DNER: variants seen among roughly 807,000 people sequenced by gnomAD.
DNER encodes delta and Notch-like epidermal growth factor-related receptor.
DNER carries 33 observed loss-of-function variants against 78.2 expected under a neutral mutation model. That is an observed-to-expected ratio of 0.42 (90% CI 0.32 to 0.56). The LOEUF (loss-of-function observed/expected upper bound fraction) is 0.56, where lower values mean the gene tolerates loss of function less well. Among genes scored for constraint, DNER ranks in the 20% least tolerant of loss-of-function variants. The probability of loss-of-function intolerance (pLI) is 0.11; values close to 1 mark genes in which losing one functional copy is unlikely to be tolerated. For synonymous variants in DNER, 417 were observed against 384.8 expected, an observed-to-expected ratio of 1.08 and a Z score of -0.98; for missense variants, 918 against 975.3, an observed-to-expected ratio of 0.94 and a Z score of 0.78.
chr2:229,600,006 T>C (rs527665429), intron 1 of DNER, among the ~76,000 whole-genome samples: 2 of 152,298 alleles, frequency 1.3e-5, no homozygotes, highest in African/African-American at 4.8e-5. Context: ...GCAGCATCAG[T>C]CAGGGAACTT....
chr2:229,676,500 C>T (rs1344421336), intron 1 of DNER, among the ~76,000 whole-genome samples: 1 of 152,166 alleles, frequency 6.6e-6, no homozygotes, highest in Non-Finnish European at 1.5e-5. Flanking sequence ...TGGCCCGATC[C>T]TAAGACTTTT....
chr2:229,365,470 T>A (rs1223754946), intron 12 of DNER, among the ~76,000 whole-genome samples: 5 of 152,244 alleles, frequency 3.3e-5, no homozygotes, highest in Non-Finnish European at 7.3e-5. Context: ...AGAGTCTCTA[T>A]CTGTCGACCA....
chr2:229,563,494 CCAT>C lies in DNER; in HGVS notation c.848-16405_848-16403del, dbSNP rs1182889161. Among the ~76,000 whole-genome samples the C allele has an allele frequency of 5.8e-5, 8 of 137,926 alleles. No individual in the cohort carries two copies. The South Asian group carries it at 1.2e-3, about 21-fold the overall frequency. 90.5% of individuals were successfully genotyped at this position (137,926 alleles called of 152,430 possible). On this transcript the variant is annotated intron_variant, in intron 4 of 12. Transcript: ENST00000341772. ...CGCCATTATCATCATCATCCTCACC[CCAT>C]CATCATCATCAACATCATCATCCCA...
intron 7 of DNER, among the ~76,000 whole-genome samples, chr2:229,448,365 CGGAAAGAG>C: frequency 1.3e-5 from 2 of 152,200 alleles, no homozygotes; most frequent in East Asian, 3.9e-4. Flanking sequence ...ATGGCTGGGC[CGGAAAGAG>C]GAGTTCACTG....
At chr2:229,590,092 C>T (rs562116789) in intron 2 of DNER, among the ~76,000 whole-genome samples, 6 of 151,634 alleles carry the variant, frequency 4.0e-5, no homozygotes, top group African/African-American at 7.3e-5. Flanking sequence ...AATAACATAC[C>T]GACACAGGTT....
In DNER at chr2:229,450,177, C is replaced by CT. The variant is rs562888158; in HGVS notation, c.1262-2638dup. On this transcript the variant is annotated intron_variant, in intron 7 of 12. Coordinates refer to ENST00000341772, the MANE Select transcript of DNER (RefSeq NM_139072.4). ...AGGTGACAGTTGAGAACTGTCAACT[C>CT]TGTCAACTCTTTTAGTTGAGAACAC... is the stretch of plus-strand genomic sequence containing the variant. Among the ~76,000 whole-genome samples, 13 of 152,312 alleles carry CT rather than the reference C, an allele frequency of 8.5e-5. No homozygotes were observed. The East Asian group carries it at 2.5e-3, about 29-fold the overall frequency.
chr2:229,399,569 AAT>A (rs1331258490), intron 10 of DNER, among the ~76,000 whole-genome samples: 1 of 152,216 alleles, frequency 6.6e-6, no homozygotes, highest in East Asian at 1.9e-4. Context: ...AAGGATCTAG[AAT>A]AGTTATAACA....
rs144081643 is a variant in DNER at position 229,590,835 on chromosome 2, T to A, written c.585+745A>T. On this transcript the variant is annotated intron_variant, in intron 2 of 12. Coordinates refer to ENST00000341772, the MANE Select transcript of DNER (RefSeq NM_139072.4). ...TCATGTTGAAATGTGATCTCCAATG[T>A]GGGATGTGAGGTCTGGTAGGAGATG... 7.0e-4 allele frequency among the ~76,000 whole-genome samples: 107 copies of A among 152,328 alleles called. 1 individual carries two copies. The highest frequency in any genetic ancestry group is 2.5e-3 in the African/African-American group (103 of 41,558).
At chr2:229,496,741 CAAT>C (rs1446488954) in intron 6 of DNER, among the ~76,000 whole-genome samples, 1 of 152,006 alleles carries the variant, frequency 6.6e-6, no homozygotes, top group Non-Finnish European at 1.5e-5. Context: ...GGGGTCAATT[CAAT>C]AAGAGGATAT....
At chr2:229,506,521 C>CTTTTTTT (rs67766962) in intron 6 of DNER, among the ~76,000 whole-genome samples, 1 of 145,678 alleles carries the variant, frequency 6.9e-6, no homozygotes. Flanking sequence ...CTTTTTTTTT[C>CTTTTTTT]TTTTTTTTTT....
chr2:229,519,669 C>T (rs2154212528), intron 5 of DNER, among the ~76,000 whole-genome samples: 1 of 152,256 alleles, frequency 6.6e-6, no homozygotes, highest in East Asian at 1.9e-4. Context: ...GGCATACAGT[C>T]CCCTCATTAC....
At chr2:229,410,016 G>A (rs769679478) in intron 9 of DNER, among the ~76,000 whole-genome samples, 2 of 151,942 alleles carry the variant, frequency 1.3e-5, no homozygotes, top group Admixed American at 6.6e-5. Flanking sequence ...AGGTCCCTAG[G>A]CCCCCTCTTC....
At chr2:229,393,708 G>A (rs973273187) in intron 10 of DNER, among the ~76,000 whole-genome samples, 13 of 152,104 alleles carry the variant, frequency 8.5e-5, no homozygotes, top group African/African-American at 1.7e-4. Flanking sequence ...TTAGCCAGGC[G>A]TGGTGGCGGG....
chr2:229,619,037 T>C (rs1040513950), intron 1 of DNER, among the ~76,000 whole-genome samples: 1 of 152,100 alleles, frequency 6.6e-6, no homozygotes, highest in Non-Finnish European at 1.5e-5. Flanking sequence ...ATACATGTAA[T>C]TCTAGCTACT....
rs755510223 is a variant in DNER at position 229,512,814 on chromosome 2, A to G, written c.1116T>C (p.Asp372=). Reference sequence around the variant, plus strand: ...GGCAAACACAGGTGAAATTGCTCCCATCTTGCTTTTCATTTGCATCAATAC... The same window carrying G: ...GGCAAACACAGGTGAAATTGCTCCCGTCTTGCTTTTCATTTGCATCAATAC... ...ASCIDANEKQ[D]GSNFTCVCLP... Residue 372 remains aspartate, a synonymous_variant, in exon 6 of 13, where the codon GAT becomes GAC. Coordinates refer to ENST00000341772, the MANE Select transcript of DNER (RefSeq NM_139072.4). The G allele has an allele frequency of 3.1e-6, 5 of 1,614,174 alleles. No individual in the cohort carries two copies. The highest frequency in any genetic ancestry group is 4.2e-6 in the Non-Finnish European group (5 of 1,180,006).
intron 1 of DNER, among the ~76,000 whole-genome samples, chr2:229,700,652 T>C (rs1251867245): frequency 6.6e-6 from 1 of 151,992 alleles, no homozygotes; most frequent in Non-Finnish European, 1.5e-5. Context: ...CGGTGGCTCA[T>C]GCCTGTAATC....
At chr2:229,510,699 G>A (rs563741709) in intron 6 of DNER, among the ~76,000 whole-genome samples, 24 of 152,300 alleles carry the variant, frequency 1.6e-4, no homozygotes, top group Non-Finnish European at 5.9e-5. Flanking sequence ...GTTTGGAGAT[G>A]ACTGAGCTTA....
rs1284417337 is a variant in DNER at position 229,623,196 on chromosome 2, G to A, written c.277-31308C>T. ...CCTCTAATTGTAAAAGCTCCCCCTCGCCCTACGACAATCACCGCTTTCGAT... is the reference window on the plus strand; with the variant it reads ...CCTCTAATTGTAAAAGCTCCCCCTCACCCTACGACAATCACCGCTTTCGAT... On this transcript the variant is annotated intron_variant, in intron 1 of 12. Coordinates refer to ENST00000341772, the MANE Select transcript of DNER (RefSeq NM_139072.4). Among the ~76,000 whole-genome samples the A allele has an allele frequency of 2.0e-5, 3 of 151,798 alleles. No homozygotes were observed. In the East Asian group the frequency reaches 5.8e-4, roughly 29 times the overall value.
At chr2:229,681,385 A>T (rs7574506) in intron 1 of DNER, among the ~76,000 whole-genome samples, 148,839 of 152,248 alleles carry the variant, frequency 0.98, 72,855 homozygotes, top group South Asian at 1. Flanking sequence ...ATGCACCTGG[A>T]AATTAATAAT....
Sources: gnomAD v4.1 joint callset for allele counts (sites outside exome capture counted in the v4.1 genomes callset) on GRCh38, gnomAD v4.1.1 for gene constraint, MANE v1.5 for transcripts, NCBI Gene and HGNC (gene_info 2026-07-23, HGNC 2026-07-21) for gene names.